Variants in PPFIA2 observed in about 807,000 individuals in gnomAD.
PPFIA2 encodes liprin-alpha-2.
Under a neutral mutation model 175.5 loss-of-function variants are expected in PPFIA2, and 46 were observed. The observed-to-expected ratio is 0.26, with a 90% CI of 0.21 to 0.34. PPFIA2 has a LOEUF of 0.34. Ranked by LOEUF, PPFIA2 falls within the 10% of genes least tolerant of loss-of-function variation. The pLI, the probability that PPFIA2 is intolerant of heterozygous loss-of-function variation, is 1.00. For missense variants in PPFIA2, 1,179 were observed against 1,506.1 expected (o/e 0.78, Z 3.60); for synonymous variants, 568 against 511.4 (o/e 1.11, Z -1.49).
intron 4 of PPFIA2, among the ~76,000 whole-genome samples, chr12:81,491,174 A>C (rs2059374309): frequency 6.6e-6 from 1 of 150,648 alleles, no homozygotes; most frequent in Non-Finnish European, 1.5e-5. Flanking sequence ...TCATGTTTTA[A>C]GACAGTTACC....
intron 4 of PPFIA2, among the ~76,000 whole-genome samples, chr12:81,521,997 C>A (rs191105730): frequency 1.3e-5 from 2 of 152,110 alleles, no homozygotes; most frequent in East Asian, 3.9e-4. Flanking sequence ...TCATAAAATG[C>A]ATTTACCTAT....
At chr12:81,718,621 G>GA (rs1286987205) in intron 3 of PPFIA2, among the ~76,000 whole-genome samples, 5 of 151,724 alleles carry the variant, frequency 3.3e-5, no homozygotes, top group African/African-American at 1.2e-4. Context: ...TTGTACAGTG[G>GA]AAAATCTCTT....
chr12:81,532,518 C>T (rs950468127), intron 4 of PPFIA2, among the ~76,000 whole-genome samples: 5 of 151,690 alleles, frequency 3.3e-5, no homozygotes, highest in African/African-American at 1.2e-4. Context: ...GGTTCCATTG[C>T]TCGCAAACAA....
rs572738007 is a variant in PPFIA2 at position 81,283,053 on chromosome 12, A to G, written c.2989-14T>C. The G allele has an allele frequency of 6.2e-7, 1 of 1,611,456 alleles. No individual in the cohort carries two copies. Among genetic ancestry groups the G allele is most frequent in the African/African-American group, 1.3e-5 (1 of 74,946 alleles). On this transcript the variant is annotated splice_polypyrimidine_tract_variant and intron_variant, in intron 25 of 32. Coordinates refer to ENST00000549396, the MANE Select transcript of PPFIA2 (RefSeq NM_003625.5). ...CTCAGATTCTTTCTGTGTTAGCAGC[A>G]GGAAATGATTAATAAAGCAGGTAAA...
At chr12:81,560,271 T>A (rs2069760180) in intron 4 of PPFIA2, among the ~76,000 whole-genome samples, 2 of 151,330 alleles carry the variant, frequency 1.3e-5, no homozygotes, top group African/African-American at 2.4e-5. Context: ...TATGTGTGTG[T>A]GTGAGAGAGA....
chr12:81,342,567 C>A (rs1218930843), intron 19 of PPFIA2, among the ~76,000 whole-genome samples: 1 of 152,052 alleles, frequency 6.6e-6, no homozygotes, highest in African/African-American at 2.4e-5. Context: ...AATTCCTTTG[C>A]TCTATTCAAC....
At chr12:81,425,998 T>A (rs1219210401) in intron 7 of PPFIA2, among the ~76,000 whole-genome samples, 1 of 152,166 alleles carries the variant, frequency 6.6e-6, no homozygotes. Context: ...AAGGAGATAA[T>A]CTTGTCATAC....
intron 4 of PPFIA2, among the ~76,000 whole-genome samples, chr12:81,614,704 GT>G (rs2061275534): frequency 6.6e-6 from 1 of 151,948 alleles, no homozygotes; most frequent in Admixed American, 6.6e-5. Flanking sequence ...TCACTCTCTT[GT>G]TTTATTTCTA....
At chr12:81,597,847 A>G in intron 4 of PPFIA2, 1 of 1,182,022 alleles carries the variant, frequency 8.5e-7, no homozygotes, top group Non-Finnish European at 1.2e-6. Flanking sequence ...ATTTTCTTCA[A>G]TACTTCCAAC....
chr12:81,291,071 T>C (rs2044829427), intron 24 of PPFIA2, among the ~76,000 whole-genome samples: 1 of 151,844 alleles, frequency 6.6e-6, no homozygotes. Context: ...AATCCATTTA[T>C]ATAAAAAGAT....
chr12:81,364,936 G>A (rs1193198509), intron 14 of PPFIA2, among the ~76,000 whole-genome samples: 2 of 151,746 alleles, frequency 1.3e-5, no homozygotes, highest in African/African-American at 4.8e-5. Flanking sequence ...TGGTGGTGGT[G>A]TTTGATGTGT....
chr12:81,310,138 G>A lies in PPFIA2; in HGVS notation c.2643-10756C>T, dbSNP rs1373836798. Among the ~76,000 whole-genome samples the A allele has an allele frequency of 8.5e-5, 13 of 152,120 alleles. No homozygotes were observed. In the East Asian group the frequency reaches 2.5e-3, roughly 29 times the overall value. On this transcript the variant is annotated intron_variant, in intron 22 of 32. Coordinates refer to ENST00000549396, the MANE Select transcript of PPFIA2 (RefSeq NM_003625.5). ...TACCCAGTTTGGAAGTGTATAGTTT[G>A]TATGCTTCTGAAGGTACAGACAAGT...
Position 81,281,398 on chromosome 12 carries a change from A to G in PPFIA2, c.3071T>C (p.Ile1024Thr). ...CAAGCTGGGAAGCCATTCATTTCCA[A>G]TCCACTCATGATTCATATCTCCATA... ...LAYGDMNHEWIGNEWLPSLGL... is the reference protein window; with the variant it reads ...LAYGDMNHEWTGNEWLPSLGL... Residue 1024 changes from isoleucine to threonine, a missense_variant, in exon 27 of 33, where the codon ATT becomes ACT. By Grantham distance (89) the Ile-to-Thr change is moderately conservative. Transcript: ENST00000549396. 6.2e-7 allele frequency: 1 copy of G among 1,611,906 alleles called. No individual in the cohort carries two copies. The highest frequency in any genetic ancestry group is 2.2e-5 in the East Asian group (1 of 44,780).
chr12:81,288,639 CTAGT>C (rs2044087749), intron 24 of PPFIA2, among the ~76,000 whole-genome samples: 1 of 151,636 alleles, frequency 6.6e-6, no homozygotes, highest in South Asian at 2.1e-4. Flanking sequence ...TAAATCTTAC[CTAGT>C]TAAAGTAACT....
Position 81,294,844 on chromosome 12 carries a change from T to C in PPFIA2, c.2916A>G (p.Thr972=). The stretch of plus-strand genomic sequence containing the variant: ...GCAGAAACTGACTCACAGTTCGAGA[T>C]GTTGGAGGAGCTGAAGGACTTGTTA... ...VSLTSPSAPP[T]SRTPSGNVWV... The change falls in exon 24 of 33, where the codon ACA becomes ACG. Residue 972 remains threonine (T), a synonymous_variant. Coordinates refer to ENST00000549396, the MANE Select transcript of PPFIA2 (RefSeq NM_003625.5). 6.2e-7 allele frequency: 1 copy of C among 1,612,872 alleles called. No individual in the cohort carries two copies. Among genetic ancestry groups the C allele is most frequent in the African/African-American group, 1.3e-5 (1 of 75,010 alleles).
intron 4 of PPFIA2, among the ~76,000 whole-genome samples, chr12:81,476,896 A>G (rs1212025294): frequency 5.9e-5 from 9 of 152,206 alleles, no homozygotes; most frequent in Non-Finnish European, 1.0e-4. Context: ...GAACGAGATC[A>G]TGTCCTTTGC....
intron 7 of PPFIA2, among the ~76,000 whole-genome samples, chr12:81,429,336 A>C (rs1218177067): frequency 6.6e-6 from 1 of 152,056 alleles, no homozygotes; most frequent in Non-Finnish European, 1.5e-5. Context: ...AATTTAACTT[A>C]AGAGATTTTG....
At chr12:81,417,176 C>G (rs1042696665) in intron 7 of PPFIA2, 1 of 151,638 alleles carries the variant, frequency 6.6e-6, no homozygotes, top group African/African-American at 2.4e-5. Flanking sequence ...TGTTTTAGAA[C>G]TAACATTCTG....
intron 3 of PPFIA2, among the ~76,000 whole-genome samples, chr12:81,735,067 A>G (rs1298376697): frequency 2.0e-5 from 3 of 151,732 alleles, no homozygotes; most frequent in Non-Finnish European, 2.9e-5. Context: ...CACCTGAGGG[A>G]TATTTGTTAT....
Sources: allele counts gnomAD v4.1 joint callset (sites outside exome capture counted in the v4.1 genomes callset), GRCh38; gene constraint gnomAD v4.1.1; transcripts MANE v1.5; gene names NCBI Gene and HGNC (gene_info 2026-07-23, HGNC 2026-07-21).